RBFOX1: variants seen among roughly 807,000 people sequenced by gnomAD.
RBFOX1 encodes the protein RNA binding fox-1 homolog 1, also known as RNA binding protein fox-1 homolog 1.
RBFOX1 carries 8 observed loss-of-function variants against 57.7 expected under a neutral mutation model. The ratio of observed to expected loss-of-function variants is 0.14; its 90% CI spans 0.08 to 0.25. RBFOX1 has a LOEUF of 0.25. Among genes scored for constraint, RBFOX1 ranks in the 10% least tolerant of loss-of-function variants. The probability of loss-of-function intolerance (pLI) is 1.00; values close to 1 mark genes in which losing one functional copy is unlikely to be tolerated. For synonymous variants in RBFOX1, 326 were observed against 222.4 expected, an observed-to-expected ratio of 1.47 and a Z score of -4.15; for missense variants, 611 against 548.5, an observed-to-expected ratio of 1.11 and a Z score of -1.14.
intron 4 of RBFOX1, among the ~76,000 whole-genome samples, chr16:7,062,852 A>G (rs1405751003): frequency 2.3e-5 from 3 of 132,314 alleles, no homozygotes; most frequent in Admixed American, 1.6e-4. Flanking sequence ...TTATCCATCT[A>G]TCCGTCCCTT....
intron 2 of RBFOX1, among the ~76,000 whole-genome samples, chr16:6,591,110 A>C (rs781640427): frequency 5.3e-5 from 8 of 152,146 alleles, no homozygotes; most frequent in Non-Finnish European, 7.3e-5. Flanking sequence ...TTCTTTGTCT[A>C]AGAGTTCGCA....
intron 3 of RBFOX1, among the ~76,000 whole-genome samples, chr16:6,946,633 GGTTCA>G (rs1244719235): frequency 2.6e-5 from 4 of 151,774 alleles, no homozygotes; most frequent in African/African-American, 9.7e-5. Flanking sequence ...GTTAGGGTCT[GGTTCA>G]GTCACCCAGG....
At chr16:7,442,638 A>C (rs1242648116) in intron 4 of RBFOX1, among the ~76,000 whole-genome samples, 1 of 152,046 alleles carries the variant, frequency 6.6e-6, no homozygotes, top group Non-Finnish European at 1.5e-5. Flanking sequence ...TTTTGATAGG[A>C]TTTGCACTGG....
chr16:6,387,435 G>T (rs549339815), intron 2 of RBFOX1, among the ~76,000 whole-genome samples: 12 of 148,908 alleles, frequency 8.1e-5, no homozygotes, highest in African/African-American at 3.0e-4. Flanking sequence ...TGCTTGTGAG[G>T]GAAGAGCCAC....
intron 3 of RBFOX1, among the ~76,000 whole-genome samples, chr16:6,876,044 A>G (rs1213573028): frequency 6.6e-6 from 1 of 151,890 alleles, no homozygotes; most frequent in East Asian, 1.9e-4. Context: ...ATAGTAACAC[A>G]CGTCTATAGT....
At chr16:5,853,237 T>C (rs535279233) in intron 3 of RBFOX1, among the ~76,000 whole-genome samples, 5 of 152,248 alleles carry the variant, frequency 3.3e-5, no homozygotes, top group African/African-American at 9.6e-5. Context: ...TTTGATATCC[T>C]GGAGTTGAAC....
chr16:6,182,594 C>T (rs2097072554), intron 1 of RBFOX1, among the ~76,000 whole-genome samples: 1 of 152,102 alleles, frequency 6.6e-6, no homozygotes, highest in Non-Finnish European at 1.5e-5. Context: ...CCCCTTCCTC[C>T]TATTATTAGA....
At chr16:6,475,037 A>G (rs1332455618) in intron 2 of RBFOX1, among the ~76,000 whole-genome samples, 1 of 152,220 alleles carries the variant, frequency 6.6e-6, no homozygotes, top group Non-Finnish European at 1.5e-5. Context: ...GGCAGCTTAT[A>G]CAGTAACATC....
chr16:6,357,539 T>C (rs901827335), intron 2 of RBFOX1, among the ~76,000 whole-genome samples: 1 of 151,922 alleles, frequency 6.6e-6, no homozygotes, highest in African/African-American at 2.4e-5. Context: ...GTGGAGGTCG[T>C]CTGCACAAGC....
Position 7,460,370 on chromosome 16 carries a change from A to AATATAT in RBFOX1, c.28-57762_28-57757dup, listed in dbSNP as rs879898472. On this transcript the variant is annotated intron_variant, in intron 4 of 15. Coordinates refer to ENST00000550418, the MANE Select transcript of RBFOX1 (RefSeq NM_018723.4). The stretch of plus-strand genomic sequence containing the variant: ...ATGATTTGCCTTAATCATTTAGCAA[A>AATATAT]ATATATATATATATATATATGTGTG... Among the ~76,000 whole-genome samples, 50 of 75,994 alleles carry AATATAT rather than the reference A, an allele frequency of 6.6e-4. 1 individual carries two copies. The highest frequency in any genetic ancestry group is 1.0e-3 in the East Asian group (2 of 1,974). The allele number at this position is 75,994 out of a possible 152,430, so 49.9% of individuals were successfully genotyped here.
At chr16:5,270,876 A>G (rs2062986624) in intron 1 of RBFOX1, 4 of 412,600 alleles carry the variant, frequency 9.7e-6, no homozygotes, top group African/African-American at 2.1e-5. Flanking sequence ...GTAGTTCTGG[A>G]AAACCCACTA....
chr16:7,003,182 C>T (rs564650908), intron 3 of RBFOX1, among the ~76,000 whole-genome samples: 2 of 152,158 alleles, frequency 1.3e-5, no homozygotes, highest in East Asian at 3.9e-4. Flanking sequence ...GTTTCTGGGC[C>T]AGGCACGGTG....
intron 4 of RBFOX1, among the ~76,000 whole-genome samples, chr16:7,152,852 A>G (rs1394605156): frequency 1.3e-5 from 2 of 152,204 alleles, no homozygotes; most frequent in Non-Finnish European, 2.9e-5. Flanking sequence ...CGAGTCTTGC[A>G]TGAAGGCACT....
chr16:5,819,868 C>T (rs920793271), intron 3 of RBFOX1, among the ~76,000 whole-genome samples: 2 of 152,212 alleles, frequency 1.3e-5, no homozygotes, highest in African/African-American at 2.4e-5. Context: ...AGCTTTGTAC[C>T]TCAAGTGCCC....
At chr16:5,239,758 C>G (rs1450656184), upstream of RBFOX1, 8 of 161,900 alleles carry the variant, frequency 4.9e-5, no homozygotes, top group Non-Finnish European at 9.9e-5. Flanking sequence ...GGAGCCCGCG[C>G]CGGCCCCGAT....
intron 4 of RBFOX1, among the ~76,000 whole-genome samples, chr16:5,993,636 T>A (rs1471933798): frequency 2.0e-5 from 3 of 152,160 alleles, no homozygotes; most frequent in Non-Finnish European, 4.4e-5. Context: ...GAGGCATTAG[T>A]TCTCCATCAA....
chr16:6,966,618 G>T (rs1304526017), intron 3 of RBFOX1, among the ~76,000 whole-genome samples: 1 of 152,154 alleles, frequency 6.6e-6, no homozygotes, highest in South Asian at 2.1e-4. Flanking sequence ...AGAACATGGG[G>T]TCACAGAGCA....
chr16:6,177,507 T>G (rs115554655), intron 1 of RBFOX1, among the ~76,000 whole-genome samples: 1 of 152,260 alleles, frequency 6.6e-6, no homozygotes, highest in African/African-American at 2.4e-5. Flanking sequence ...TCATAACAAA[T>G]ATATATTGTA....
intron 2 of RBFOX1, among the ~76,000 whole-genome samples, chr16:5,596,732 A>G (rs1039043455): frequency 6.6e-6 from 1 of 152,206 alleles, no homozygotes; most frequent in African/African-American, 2.4e-5. Context: ...AAGTGACAAA[A>G]GCCAGACATT....
Sources: allele counts gnomAD v4.1 joint callset (sites outside exome capture counted in the v4.1 genomes callset), GRCh38; gene constraint gnomAD v4.1.1; transcripts MANE v1.5; gene names NCBI Gene and HGNC (gene_info 2026-07-23, HGNC 2026-07-21).